Variants in SH3PXD2A observed in about 807,000 individuals in gnomAD.
The protein encoded by SH3PXD2A is SH3 and PX domains 2A.
SH3PXD2A carries 32 observed loss-of-function variants against 115.2 expected under a neutral mutation model. That is an observed-to-expected ratio of 0.28 (90% CI 0.21 to 0.37). The LOEUF (loss-of-function observed/expected upper bound fraction) is 0.37. Among genes scored for constraint, SH3PXD2A ranks in the 10% least tolerant of loss-of-function variants. The pLI is 1.00. For missense variants in SH3PXD2A, 1,328 were observed against 1,498.7 expected, an observed-to-expected ratio of 0.89 and a Z score of 1.88; for synonymous variants, 610 against 629.1, an observed-to-expected ratio of 0.97 and a Z score of 0.45.
chr10:103,789,530 T>TACACAC (rs72505791), intron 2 of SH3PXD2A, among the ~76,000 whole-genome samples: 2,131 of 145,184 alleles, frequency 0.015, 49 homozygotes, highest in African/African-American at 0.053. Flanking sequence ...TGTGTATACG[T>TACACAC]ACACACACAC....
intron 5 of SH3PXD2A, among the ~76,000 whole-genome samples, chr10:103,713,321 T>G (rs915502930): frequency 4.6e-5 from 7 of 152,184 alleles, no homozygotes; most frequent in African/African-American, 1.7e-4. Context: ...GTTGCATGCT[T>G]GGACCACTGC....
intron 2 of SH3PXD2A, among the ~76,000 whole-genome samples, chr10:103,772,635 G>A (rs2038836934): frequency 6.6e-6 from 1 of 152,204 alleles, no homozygotes; most frequent in Admixed American, 6.5e-5. Flanking sequence ...GGACAGCTGG[G>A]CTCCACGCGC....
At chr10:103,649,916 GCTGTAGGGCAGCCCCACCTTCC>G (rs1240504111) in intron 8 of SH3PXD2A, among the ~76,000 whole-genome samples, 1 of 152,218 alleles carries the variant, frequency 6.6e-6, no homozygotes, top group African/African-American at 2.4e-5. Flanking sequence ...GACTCAGCCA[GCTGTAGGGCAGCCCCACCTTCC>G]CTGGAGCACA....
chr10:103,638,298 G>C (rs2036896936), intron 8 of SH3PXD2A, among the ~76,000 whole-genome samples: 1 of 152,220 alleles, frequency 6.6e-6, no homozygotes. Flanking sequence ...CATTTGGAAG[G>C]CTCCGTGGAG....
At chr10:103,623,780 G>A (rs939821710) in intron 9 of SH3PXD2A, among the ~76,000 whole-genome samples, 1 of 152,228 alleles carries the variant, frequency 6.6e-6, no homozygotes, top group Admixed American at 6.5e-5. Flanking sequence ...TAGACAAGGG[G>A]CTGAATGGGC....
At chr10:103,683,389 C>CTACA (rs2037636729) in intron 6 of SH3PXD2A, among the ~76,000 whole-genome samples, 1 of 151,940 alleles carries the variant, frequency 6.6e-6, no homozygotes, top group Non-Finnish European at 1.5e-5. Flanking sequence ...TGGCGGGTGC[C>CTACA]TGTAGTCCCA....
chr10:103,839,965 G>T (rs1466828486), intron 1 of SH3PXD2A, among the ~76,000 whole-genome samples: 1 of 152,266 alleles, frequency 6.6e-6, no homozygotes, highest in East Asian at 1.9e-4. Flanking sequence ...CAGCTGGTCA[G>T]CAGGGCAGGC....
At chr10:103,777,061 C>G (rs886205682) in intron 2 of SH3PXD2A, among the ~76,000 whole-genome samples, 1 of 152,242 alleles carries the variant, frequency 6.6e-6, no homozygotes, top group African/African-American at 2.4e-5. Context: ...AAAAATAAAT[C>G]GTGAATAGCT....
In SH3PXD2A at chr10:103,596,663, ACTCTCTCTCT is replaced by A. The variant is rs1554901348; in HGVS notation, c.*5143_*5152del. 2 of 124,440 alleles carry A rather than the reference ACTCTCTCTCT, an allele frequency of 1.6e-5. No individual in the cohort carries two copies. Among genetic ancestry groups the A allele is most frequent in the Non-Finnish European group, 1.7e-5 (1 of 59,982 alleles). The allele number at this position is 124,440 out of a possible 1,614,324, so 7.7% of individuals were successfully genotyped here. The stretch of plus-strand genomic sequence containing the variant: ...CACACACACACACACACACACACAC[ACTCTCTCTCT>A]CTCTCTCTCTCTCACAACACATGGC... On this transcript the variant is annotated 3_prime_UTR_variant, in exon 15 of 15. Coordinates refer to ENST00000369774, the MANE Select transcript of SH3PXD2A (RefSeq NM_001394015.1).
rs1292592362 is a variant in SH3PXD2A at position 103,668,601 on chromosome 10, G to A, written c.472+7C>T. ...GCTCACACACATGCATGCACGCTGG[G>A]CAGTACCTGTCACGTCCTTCTTGGG... On this transcript the variant is annotated splice_region_variant and intron_variant, in intron 7 of 14. Transcript: ENST00000369774. 1.9e-6 allele frequency: 3 copies of A among 1,553,308 alleles called. No individual in the cohort carries two copies. The highest frequency in any genetic ancestry group is 1.7e-6 in the Non-Finnish European group (2 of 1,147,794).
intron 6 of SH3PXD2A, chr10:103,673,657 T>C (rs1429620403): frequency 2.0e-5 from 3 of 152,186 alleles, no homozygotes; most frequent in Non-Finnish European, 2.9e-5. Context: ...GCAGTGAGAA[T>C]TGGGTTGAAT....
chr10:103,622,962 A>G (rs1176466680), intron 9 of SH3PXD2A, among the ~76,000 whole-genome samples: 1 of 152,156 alleles, frequency 6.6e-6, no homozygotes, highest in Non-Finnish European at 1.5e-5. Context: ...GGGTCCTGCA[A>G]CATCTGAGCT....
At chr10:103,790,734 C>G (rs1462792241) in intron 2 of SH3PXD2A, among the ~76,000 whole-genome samples, 1 of 152,066 alleles carries the variant, frequency 6.6e-6, no homozygotes. Context: ...TGTCTGGGCT[C>G]GTAATCAATT....
At chr10:103,782,864 G>A (rs1265108479) in intron 2 of SH3PXD2A, among the ~76,000 whole-genome samples, 1 of 149,194 alleles carries the variant, frequency 6.7e-6, no homozygotes, top group African/African-American at 2.5e-5. Flanking sequence ...ATAACAGGTT[G>A]TAATAAGTGT....
intron 3 of SH3PXD2A, among the ~76,000 whole-genome samples, chr10:103,740,641 G>A (rs185544725): frequency 2.6e-5 from 4 of 152,164 alleles, no homozygotes; most frequent in Non-Finnish European, 5.9e-5. Flanking sequence ...CGTAAGAGAG[G>A]GCTGGCCTCG....
intron 8 of SH3PXD2A, among the ~76,000 whole-genome samples, chr10:103,631,009 T>A (rs2036771908): frequency 6.6e-6 from 1 of 152,148 alleles, no homozygotes; most frequent in African/African-American, 2.4e-5. Context: ...ATTTTTTTCC[T>A]ATACATACAT....
At chr10:103,795,010 G>A (rs2039072806) in intron 2 of SH3PXD2A, among the ~76,000 whole-genome samples, 1 of 152,068 alleles carries the variant, frequency 6.6e-6, no homozygotes, top group South Asian at 2.1e-4. Flanking sequence ...ATCACTGTAG[G>A]GTGGCCAGAA....
chr10:103,846,117 C>T (rs1842846070), intron 1 of SH3PXD2A, among the ~76,000 whole-genome samples: 1 of 152,240 alleles, frequency 6.6e-6, no homozygotes, highest in Non-Finnish European at 1.5e-5. Flanking sequence ...CACACACACA[C>T]AGAGTCTACC....
intron 7 of SH3PXD2A, among the ~76,000 whole-genome samples, chr10:103,662,526 A>G (rs1480112896): frequency 1.3e-5 from 2 of 148,342 alleles, no homozygotes; most frequent in Non-Finnish European, 3.0e-5. Flanking sequence ...CAGCCTCCCG[A>G]GTAGCTGGGA....
Sources: allele counts gnomAD v4.1 joint callset (sites outside exome capture counted in the v4.1 genomes callset), GRCh38; gene constraint gnomAD v4.1.1; transcripts MANE v1.5; gene names NCBI Gene and HGNC (gene_info 2026-07-23, HGNC 2026-07-21).